Variants in KIF23 observed in about 807,000 individuals in gnomAD.
The protein encoded by KIF23 is kinesin family member 23, also known as kinesin-like protein KIF23.
In KIF23, 30 loss-of-function variants were observed where a neutral mutation model predicts 137.5. The ratio of observed to expected loss-of-function variants is 0.22; its 90% CI spans 0.16 to 0.30. KIF23 has a LOEUF of 0.30. Ranked by LOEUF, KIF23 falls within the 10% of genes least tolerant of loss-of-function variation. The pLI is 1.00. For synonymous variants in KIF23, 367 were observed against 391.1 expected (o/e 0.94, Z 0.73); for missense variants, 920 against 1,194.3 (o/e 0.77, Z 3.38).
chr15:69,442,865 G>T (rs1393406074), intron 19 of KIF23, among the ~76,000 whole-genome samples: 1 of 152,178 alleles, frequency 6.6e-6, no homozygotes, highest in Non-Finnish European at 1.5e-5. Flanking sequence ...GTGCATCTAA[G>T]TTTGTTGGTC....
chr15:69,420,608 T>G (rs979646860), intron 3 of KIF23, among the ~76,000 whole-genome samples: 2 of 152,216 alleles, frequency 1.3e-5, no homozygotes, highest in Non-Finnish European at 2.9e-5. Flanking sequence ...TGAGATAATA[T>G]TTACAGTTTA....
chr15:69,419,895 C>T (rs2057010783), intron 3 of KIF23, among the ~76,000 whole-genome samples: 2 of 152,010 alleles, frequency 1.3e-5, no homozygotes, highest in South Asian at 4.2e-4. Context: ...GAGTAGGTAT[C>T]GAGTAGGTAT....
chr15:69,421,827 A>G (rs878889642), intron 4 of KIF23, 75 bp downstream of exon 4: 2 of 1,321,486 alleles, frequency 1.5e-6, no homozygotes, highest in Non-Finnish European at 2.1e-6. Flanking sequence ...TGATATTTAT[A>G]TATTTGATTT....
chr15:69,441,549 C>T (rs2057620987), intron 19 of KIF23, among the ~76,000 whole-genome samples: 1 of 152,084 alleles, frequency 6.6e-6, no homozygotes, highest in Non-Finnish European at 1.5e-5. Flanking sequence ...TAATGTCTTT[C>T]CCTCCTTGCC....
rs74752720 is a variant in KIF23, at chr15:69,415,391, G to C, written c.12-603G>C. On this transcript the variant is annotated intron_variant, in intron 1 of 23. Coordinates refer to ENST00000679126, the MANE Select transcript of KIF23 (RefSeq NM_001367805.3). ...CTTACTTAATTTTAATGTGTTAAAT[G>C]TATATCTAGCCTATAGATAAATGTG... Among the ~76,000 whole-genome samples, 22 of 152,314 alleles carry C rather than the reference G, an allele frequency of 1.4e-4. 1 individual carries two copies. The East Asian group carries it at 3.1e-3, about 21-fold the overall frequency.
At chr15:69,430,166 T>C (rs1278467149) in intron 11 of KIF23, among the ~76,000 whole-genome samples, 3 of 152,212 alleles carry the variant, frequency 2.0e-5, no homozygotes, top group Non-Finnish European at 4.4e-5. Context: ...GCTTTAAATA[T>C]ATATATAGCC....
intron 1 of KIF23, 146 bp downstream of exon 1, chr15:69,414,622 A>C: frequency 1.0e-5 from 9 of 887,904 alleles, no homozygotes; most frequent in Non-Finnish European, 1.4e-5. Flanking sequence ...CGCGACCCCA[A>C]AGTGGGAACC....
intron 10 of KIF23, among the ~76,000 whole-genome samples, chr15:69,428,537 G>C (rs2057264008): frequency 6.6e-6 from 1 of 151,334 alleles, no homozygotes; most frequent in Non-Finnish European, 1.5e-5. Flanking sequence ...GCACACGCCT[G>C]TAATCCCAGT....
chr15:69,414,620 C>G (rs904711273), intron 1 of KIF23, 144 bp downstream of exon 1: 91 of 927,984 alleles, frequency 9.8e-5, no homozygotes, highest in Non-Finnish European at 1.3e-4. Flanking sequence ...GCCGCGACCC[C>G]AAAGTGGGAA....
chr15:69,445,021 A>G lies in KIF23; in HGVS notation c.2653A>G (p.Ile885Val). The change falls in exon 20 of 24, where the codon ATT (isoleucine) becomes GTT (valine). Residue 885 changes from isoleucine to valine, a missense_variant. This residue lies in a region of KIF23 where 75 missense variants were observed against 177.9 expected (regional missense o/e 0.42). Transcript: ENST00000679126. ...CCAGGAACTAGCCTCCGATGGGGAGATTGAAACTAAACTAATTAAGGTAAA... is the reference window on the plus strand; with the variant it reads ...CCAGGAACTAGCCTCCGATGGGGAGGTTGAAACTAAACTAATTAAGGTAAA... ...THQELASDGEIETKLIKGDIY... is the reference protein window; with the variant it reads ...THQELASDGEVETKLIKGDIY... 6.2e-7 allele frequency: 1 copy of G among 1,611,548 alleles called. No individual in the cohort carries two copies. Among genetic ancestry groups the G allele is most frequent in the East Asian group, 2.2e-5 (1 of 44,848 alleles).
intron 10 of KIF23, chr15:69,427,397 G>A (rs1486557280): frequency 6.6e-6 from 3 of 455,908 alleles, no homozygotes; most frequent in African/African-American, 6.0e-5. Flanking sequence ...TCGAATCTTA[G>A]AGCCTGAATT....
intron 17 of KIF23, 52 bp from the exon 18 acceptor site, chr15:69,440,256 A>G: frequency 6.4e-7 from 1 of 1,558,912 alleles, no homozygotes; most frequent in Non-Finnish European, 8.7e-7. Context: ...AATCTGGTGT[A>G]CTCGTTTGCT....
chr15:69,428,660 C>CAAAAAAAAAA (rs59950355), intron 10 of KIF23, among the ~76,000 whole-genome samples: 3 of 74,038 alleles, frequency 4.1e-5, no homozygotes, highest in African/African-American at 1.7e-4. Context: ...CTCTGTCTCC[C>CAAAAAAAAAA]AAAAAAAAAA....
intron 10 of KIF23, among the ~76,000 whole-genome samples, chr15:69,426,938 G>A (rs1414777738): frequency 2.0e-5 from 3 of 152,002 alleles, no homozygotes; most frequent in African/African-American, 4.8e-5. Context: ...TTGTTACATA[G>A]TGTTTACATT....
intron 5 of KIF23, 41 bp downstream of exon 5, chr15:69,422,169 T>G (rs1317409296): frequency 1.8e-5 from 29 of 1,604,260 alleles, no homozygotes; most frequent in Non-Finnish European, 2.2e-5. Context: ...CTTACTGGAC[T>G]AAGACACCTA....
Position 69,447,890 on chromosome 15 carries a change from C to A in KIF23, c.*83C>A. 7.0e-7 allele frequency: 1 copy of A among 1,420,606 alleles called. No homozygotes were observed. Among genetic ancestry groups the A allele is most frequent in the South Asian group, 1.2e-5 (1 of 84,008 alleles). 88.0% of individuals were successfully genotyped at this position (1,420,606 alleles called of 1,614,324 possible). On this transcript the variant is annotated 3_prime_UTR_variant, in exon 24 of 24. Coordinates refer to ENST00000679126, the MANE Select transcript of KIF23 (RefSeq NM_001367805.3). ...CCATGCCAGAAGCAGTCTTCCAGGT[C>A]ATCTTGTAGAACTCCAGCTTTGTTG...
At chr15:69,415,200 C>T (rs1025823654) in intron 1 of KIF23, among the ~76,000 whole-genome samples, 3 of 151,958 alleles carry the variant, frequency 2.0e-5, no homozygotes, top group East Asian at 1.9e-4. Flanking sequence ...ATTAAGAGGC[C>T]GAAGTCAAAA....
In KIF23 at chr15:69,446,423, C is replaced by T. The variant is rs2057741556; in HGVS notation, c.2838+59C>T. ...AAAATTAGGTTTGTCATGTTTTAAA[C>T]CCCACAGCTCTAGATTTTTATGCTC... On this transcript the variant is annotated intron_variant, in intron 22 of 23. Transcript: ENST00000679126. The T allele has an allele frequency of 3.0e-6, 4 of 1,319,606 alleles. No homozygotes were observed. The Admixed American group carries it at 7.0e-5, about 23-fold the overall frequency. The allele number at this position is 1,319,606 out of a possible 1,614,324, so 81.7% of individuals were successfully genotyped here.
intron 16 of KIF23, among the ~76,000 whole-genome samples, chr15:69,439,512 A>G (rs2057563591): frequency 6.6e-6 from 1 of 152,190 alleles, no homozygotes; most frequent in Non-Finnish European, 1.5e-5. Flanking sequence ...GCATTGCAGC[A>G]CTGTGTAATG....
Sources: gnomAD v4.1 joint callset for allele counts (sites outside exome capture counted in the v4.1 genomes callset) on GRCh38, gnomAD v4.1.1 for gene constraint, gnomAD v4.1.1 regional missense constraint, MANE v1.5 for transcripts, NCBI Gene and HGNC (gene_info 2026-07-23, HGNC 2026-07-21) for gene names.